Variants in NLGN4X observed in about 807,000 individuals in gnomAD.
NLGN4X encodes the protein neuroligin 4 X-linked.
A neutral mutation model predicts 40.3 loss-of-function variants in NLGN4X; 3 were observed. The ratio of observed to expected loss-of-function variants is 0.07; its 90% CI spans 0.03 to 0.19. NLGN4X has a LOEUF of 0.19. Among genes scored for constraint, NLGN4X ranks in the 10% least tolerant of loss-of-function variants. NLGN4X has a pLI of 1.00. For synonymous variants in NLGN4X, 270 were observed against 306.8 expected, an observed-to-expected ratio of 0.88 and a Z score of 1.25; for missense variants, 382 against 708.3, an observed-to-expected ratio of 0.54 and a Z score of 5.23.
chrX:6,226,016 C>T (rs1162503632), intron 1 of NLGN4X, among the ~76,000 whole-genome samples: 2 of 87,518 alleles, frequency 2.3e-5, no homozygotes, highest in Non-Finnish European at 4.5e-5. Context: ...CCCCACCCAA[C>T]CCCCACCCCA....
rs762286147 is a variant in NLGN4X, at chrX:6,138,323, G to T, written c.472+12672C>A. Among the ~76,000 whole-genome samples the T allele has an allele frequency of 8.1e-5, 9 of 111,370 alleles. No individual in the cohort carries two copies. The East Asian group carries it at 2.5e-3, about 31-fold the overall frequency. Reference sequence around the variant, plus strand: ...ATGCTTGACACTGAAGAGGATGCTTGCAAAAGACTACCTAGAAGGAACATA... The same window carrying T: ...ATGCTTGACACTGAAGAGGATGCTTTCAAAAGACTACCTAGAAGGAACATA... On this transcript the variant is annotated intron_variant, in intron 2 of 5. Coordinates refer to ENST00000381095, the MANE Select transcript of NLGN4X (RefSeq NM_181332.3).
intron 1 of NLGN4X, among the ~76,000 whole-genome samples, chrX:6,174,714 G>A (rs2040684325): frequency 8.9e-6 from 1 of 111,901 alleles, no homozygotes; most frequent in East Asian, 2.8e-4. Flanking sequence ...AATACTGCAT[G>A]TTCTCACTTA....
In NLGN4X at chrX:6,172,805, T is replaced by C. The variant is rs2040637566; in HGVS notation, c.-305-21034A>G. Among the ~76,000 whole-genome samples the C allele has an allele frequency of 1.8e-5, 2 of 112,166 alleles. 1 individual carries two copies. The highest frequency in any genetic ancestry group is 7.4e-4 in the South Asian group (2 of 2,698). On this transcript the variant is annotated intron_variant, in intron 1 of 5. Transcript: ENST00000381095. Reference sequence around the variant, plus strand: ...AACATATTGTACAGTAAATAAGTAATAGGCCCAAATGGCCTCCAAATGCCA... The same window carrying C: ...AACATATTGTACAGTAAATAAGTAACAGGCCCAAATGGCCTCCAAATGCCA...
At position 5,891,405 on chromosome X, in the gene NLGN4X, T is replaced by C. The variant is rs933043273; in HGVS notation, c.*1412A>G. The stretch of plus-strand genomic sequence containing the variant: ...ATCATATGTTTGATCCCATAAATGA[T>C]ATAAAAGATTTTTAAAAACCTGCTT... On this transcript the variant is annotated 3_prime_UTR_variant, in exon 6 of 6. Coordinates refer to ENST00000381095, the MANE Select transcript of NLGN4X (RefSeq NM_181332.3). 8 of 220,281 alleles carry C rather than the reference T, an allele frequency of 3.6e-5. No individual in the cohort carries two copies. The highest frequency in any genetic ancestry group is 2.4e-4 in the African/African-American group (8 of 33,165). The allele number at this position is 220,281 out of a possible 1,213,427, so 18.2% of individuals were successfully genotyped here.
intron 1 of NLGN4X, among the ~76,000 whole-genome samples, chrX:6,225,901 A>C (rs867223309): frequency 8.2e-5 from 6 of 73,384 alleles, no homozygotes; most frequent in Non-Finnish European, 7.7e-5. Flanking sequence ...GCCCCCCCCA[A>C]AAAAAATGAC....
intron 3 of NLGN4X, among the ~76,000 whole-genome samples, chrX:6,010,526 T>TTATTATTATTATTATTATTATTAC (rs2036224191): frequency 9.7e-6 from 1 of 102,816 alleles, no homozygotes; most frequent in Non-Finnish European, 2.0e-5. Flanking sequence ...ATTATTATTA[T>TTATTATTATTATTATTATTATTAC]TATTATTATT....
chrX:6,226,307 A>G (rs1926310695), intron 1 of NLGN4X, among the ~76,000 whole-genome samples: 2 of 106,164 alleles, frequency 1.9e-5, no homozygotes, highest in South Asian at 8.5e-4. Flanking sequence ...GCAGAGAAAA[A>G]GAAACCCGCA....
intron 3 of NLGN4X, among the ~76,000 whole-genome samples, chrX:5,963,402 G>C (rs376905620): frequency 8.9e-5 from 10 of 111,987 alleles, no homozygotes; most frequent in African/African-American, 3.2e-4. Context: ...GATCGTGTGA[G>C]TGATAAAAGT....
chrX:6,083,092 G>C (rs944521991), intron 2 of NLGN4X, among the ~76,000 whole-genome samples: 1 of 102,390 alleles, frequency 9.8e-6, no homozygotes, highest in Non-Finnish European at 2.0e-5. Context: ...CCGAGTAGCT[G>C]GGACTACAGG....
intron 4 of NLGN4X, among the ~76,000 whole-genome samples, chrX:5,904,188 T>G (rs778357839): frequency 1.8e-5 from 2 of 111,564 alleles, no homozygotes; most frequent in East Asian, 5.7e-4. Context: ...GTGTCGTTTT[T>G]GCTTCCTTGC....
At chrX:6,014,025 C>CA (rs761060635) in intron 3 of NLGN4X, among the ~76,000 whole-genome samples, 13 of 108,807 alleles carry the variant, frequency 1.2e-4, no homozygotes, top group African/African-American at 4.0e-4. Context: ...TAGTAAAATA[C>CA]AAAAAAATTA....
At position 5,957,825 on chromosome X, in the gene NLGN4X, C is replaced by A. The variant is rs146985465; in HGVS notation, c.626-48586G>T. On this transcript the variant is annotated intron_variant, in intron 3 of 5. Coordinates refer to ENST00000381095, the MANE Select transcript of NLGN4X (RefSeq NM_181332.3). ...CCACATATTTTTATGTAGTTTCATGCCTAACATAAATTTACCCAGTATAAA... is the reference window on the plus strand; with the variant it reads ...CCACATATTTTTATGTAGTTTCATGACTAACATAAATTTACCCAGTATAAA... Among the ~76,000 whole-genome samples the A allele has an allele frequency of 4.6e-3, 518 of 111,987 alleles. 4 individuals carry two copies. The highest frequency in any genetic ancestry group is 0.016 in the African/African-American group (497 of 30,869).
chrX:5,969,238 C>T (rs1429171917), intron 3 of NLGN4X, among the ~76,000 whole-genome samples: 3 of 110,999 alleles, frequency 2.7e-5, no homozygotes, highest in South Asian at 3.8e-4. Context: ...GAACAGGCAA[C>T]CTACAAAATG....
At chrX:6,190,382 A>G (rs1236216276) in intron 1 of NLGN4X, among the ~76,000 whole-genome samples, 1 of 112,218 alleles carries the variant, frequency 8.9e-6, no homozygotes, top group Non-Finnish European at 1.9e-5. Context: ...TTTTGACAAA[A>G]GTTTGGAAGC....
intron 3 of NLGN4X, among the ~76,000 whole-genome samples, chrX:6,013,124 A>G (rs1484846895): frequency 8.9e-6 from 1 of 111,911 alleles, no homozygotes; most frequent in East Asian, 2.8e-4. Context: ...TTTTGCTTTT[A>G]TAATTCTCAA....
At chrX:6,006,643 G>A (rs941732500) in intron 3 of NLGN4X, among the ~76,000 whole-genome samples, 4 of 111,494 alleles carry the variant, frequency 3.6e-5, no homozygotes, top group African/African-American at 1.3e-4. Flanking sequence ...CCTCTCTTCA[G>A]CATGGGACTT....
At chrX:6,132,891 A>G (rs1302494461) in intron 2 of NLGN4X, among the ~76,000 whole-genome samples, 9 of 110,990 alleles carry the variant, frequency 8.1e-5, no homozygotes, top group African/African-American at 3.0e-4. Flanking sequence ...TTCTCCTAAG[A>G]TGGTAAAAAT....
chrX:6,216,730 G>A (rs893216883), intron 1 of NLGN4X, among the ~76,000 whole-genome samples: 1 of 112,260 alleles, frequency 8.9e-6, no homozygotes, highest in African/African-American at 3.2e-5. Context: ...TGCATACCCT[G>A]GAATTATTCA....
intron 2 of NLGN4X, chrX:6,032,874 C>A: frequency 2.7e-6 from 1 of 375,169 alleles, no homozygotes; most frequent in Non-Finnish European, 4.3e-6. Flanking sequence ...GAATGTAACA[C>A]AAAAAGTTGA....
Sources: allele counts gnomAD v4.1 joint callset (sites outside exome capture counted in the v4.1 genomes callset), GRCh38; gene constraint gnomAD v4.1.1; transcripts MANE v1.5; gene names NCBI Gene and HGNC (gene_info 2026-07-23, HGNC 2026-07-21).